Variants in FAM178B observed in about 807,000 individuals in gnomAD.
FAM178B encodes the protein protein FAM178B.
Under a neutral mutation model 91.7 loss-of-function variants are expected in FAM178B, and 82 were observed. The ratio of observed to expected loss-of-function variants is 0.89; its 90% CI spans 0.75 to 1.07. The LOEUF is 1.07. Ranked by LOEUF, FAM178B falls within the 50% of genes least tolerant of loss-of-function variation. The pLI, the probability that FAM178B is intolerant of heterozygous loss-of-function variation, is 0.00. For synonymous variants in FAM178B, 368 were observed against 359.4 expected (o/e 1.02, Z -0.27); for missense variants, 769 against 846.7 (o/e 0.91, Z 1.14).
At chr2:96,928,825 A>G (rs1446612414) in intron 9 of FAM178B, among the ~76,000 whole-genome samples, 1 of 152,186 alleles carries the variant, frequency 6.6e-6, no homozygotes, top group Non-Finnish European at 1.5e-5. Flanking sequence ...CATGGGATAC[A>G]GCCTGAGTCC....
chr2:96,951,846 C>T (rs957856503), intron 6 of FAM178B: 12 of 184,066 alleles, frequency 6.5e-5, no homozygotes, highest in African/African-American at 1.9e-4. Context: ...CATGGTGAAA[C>T]GCTGTCTCTA....
At chr2:96,946,118 C>T (rs1024342939) in intron 8 of FAM178B, among the ~76,000 whole-genome samples, 3 of 152,104 alleles carry the variant, frequency 2.0e-5, no homozygotes, top group African/African-American at 7.2e-5. Flanking sequence ...AACTCATATA[C>T]GTGTTTGTTC....
chr2:96,941,870 A>C (rs1315414406), intron 8 of FAM178B, among the ~76,000 whole-genome samples: 1 of 152,238 alleles, frequency 6.6e-6, no homozygotes, highest in Non-Finnish European at 1.5e-5. Context: ...CACTAGGTTA[A>C]CGGACAGTCA....
intron 14 of FAM178B, among the ~76,000 whole-genome samples, chr2:96,892,507 T>A (rs1374136204): frequency 6.6e-6 from 1 of 152,004 alleles, no homozygotes; most frequent in Non-Finnish European, 1.5e-5. Flanking sequence ...CTTTCAAACC[T>A]CCTTTAGGTG....
At chr2:96,978,405 T>C (rs974040041) in intron 1 of FAM178B, among the ~76,000 whole-genome samples, 1 of 152,128 alleles carries the variant, frequency 6.6e-6, no homozygotes, top group Non-Finnish European at 1.5e-5. Flanking sequence ...ATAGTGAACA[T>C]TATACTCAAC....
At position 96,970,713 on chromosome 2, in the gene FAM178B, C is replaced by G. The variant is rs1367376690; in HGVS notation, c.626+3G>C. ...CCCATGACAGGCCACGCCCTGTGCT[C>G]ACCTCTTCTCCTGCAGTAAGTAGTC... On this transcript the variant is annotated splice_donor_region_variant and intron_variant, in intron 4 of 16. Coordinates refer to ENST00000490605, the MANE Select transcript of FAM178B (RefSeq NM_001122646.3). The G allele has an allele frequency of 1.4e-5, 22 of 1,550,858 alleles. No individual in the cohort carries two copies. The highest frequency in any genetic ancestry group is 1.9e-5 in the Non-Finnish European group (22 of 1,146,308).
At chr2:96,908,915 G>A (rs2081103182) in intron 12 of FAM178B, among the ~76,000 whole-genome samples, 1 of 152,104 alleles carries the variant, frequency 6.6e-6, no homozygotes, top group African/African-American at 2.4e-5. Flanking sequence ...GGAGGCTGAG[G>A]TGGGAGGATC....
intron 1 of FAM178B, among the ~76,000 whole-genome samples, chr2:96,983,691 T>C (rs1474131509): frequency 6.6e-6 from 1 of 152,162 alleles, no homozygotes; most frequent in African/African-American, 2.4e-5. Context: ...AACAAAGCGC[T>C]GGGATTACAG....
chr2:96,979,188 G>T (rs1426016879), intron 1 of FAM178B, among the ~76,000 whole-genome samples: 1 of 150,566 alleles, frequency 6.6e-6, no homozygotes, highest in Admixed American at 6.6e-5. Flanking sequence ...CGTTGGCCAG[G>T]ATGGTCTCCA....
At chr2:96,895,109 GC>G (rs2080795498) in intron 13 of FAM178B, 2 of 1,289,302 alleles carry the variant, frequency 1.6e-6, no homozygotes, top group African/African-American at 3.0e-5. Flanking sequence ...TGTGTCTTCA[GC>G]CCCTGCCTTC....
intron 12 of FAM178B, among the ~76,000 whole-genome samples, chr2:96,903,742 C>A (rs1015588973): frequency 6.6e-6 from 1 of 152,330 alleles, no homozygotes; most frequent in South Asian, 2.1e-4. Flanking sequence ...GCCCCTGGAC[C>A]TCTCACCCCA....
intron 14 of FAM178B, among the ~76,000 whole-genome samples, chr2:96,884,972 A>G (rs1043131723): frequency 2.0e-5 from 3 of 152,238 alleles, no homozygotes; most frequent in African/African-American, 7.2e-5. Flanking sequence ...TTCCTAACCT[A>G]GGGTCCCAGA....
intron 1 of FAM178B, among the ~76,000 whole-genome samples, chr2:96,980,223 G>A (rs554087361): frequency 2.0e-5 from 3 of 151,876 alleles, no homozygotes; most frequent in African/African-American, 7.2e-5. Flanking sequence ...TTACAGGCAT[G>A]CACCACCACA....
intron 14 of FAM178B, among the ~76,000 whole-genome samples, chr2:96,891,461 G>A (rs1388251580): frequency 6.6e-6 from 1 of 152,240 alleles, no homozygotes; most frequent in Non-Finnish European, 1.5e-5. Flanking sequence ...AACAGCGAAT[G>A]CCAGAACAGA....
intron 8 of FAM178B, among the ~76,000 whole-genome samples, chr2:96,936,479 C>T (rs868340574): frequency 2.0e-5 from 3 of 150,266 alleles, no homozygotes; most frequent in Admixed American, 1.3e-4. Flanking sequence ...GGATTACAGG[C>T]GTGAGCCACC....
At chr2:96,945,555 C>T (rs868113915) in intron 8 of FAM178B, among the ~76,000 whole-genome samples, 8 of 151,930 alleles carry the variant, frequency 5.3e-5, no homozygotes, top group South Asian at 2.1e-4. Flanking sequence ...CACACACGTG[C>T]GCGCGCACAC....
In FAM178B at chr2:96,971,996, C is replaced by T; in HGVS notation, c.469G>A (p.Glu157Lys). 1 of 1,560,320 alleles carries T rather than the reference C, an allele frequency of 6.4e-7. No homozygotes were observed. Among genetic ancestry groups the T allele is most frequent in the Non-Finnish European group, 8.7e-7 (1 of 1,152,462 alleles). Reference sequence around the variant, plus strand: ...CTCTTCGGGTCCAAGTCCAGGTGTTCCTGCTCCAACTCCTCGGGCAGCTCA... The same window carrying T: ...CTCTTCGGGTCCAAGTCCAGGTGTTTCTGCTCCAACTCCTCGGGCAGCTCA... ...AGELPEELEQ[E>K]HLDLDPKRGL... The change falls in exon 3 of 17, where the codon GAA becomes AAA. Residue 157 changes from glutamate to lysine, a missense_variant. By Grantham distance (56) the Glu-to-Lys change is moderately conservative (BLOSUM62 1). Coordinates refer to ENST00000490605, the MANE Select transcript of FAM178B (RefSeq NM_001122646.3).
At chr2:96,894,942 G>A (rs1230911537) in intron 13 of FAM178B, 3 of 557,940 alleles carry the variant, frequency 5.4e-6, no homozygotes, top group African/African-American at 2.2e-5. Flanking sequence ...CTGCACTGCC[G>A]CTCTGCATCT....
At chr2:96,948,842 C>T (rs1381440681) in intron 7 of FAM178B, among the ~76,000 whole-genome samples, 2 of 152,112 alleles carry the variant, frequency 1.3e-5, no homozygotes, top group East Asian at 1.9e-4. Context: ...CTGGAGACCT[C>T]GCCTCAACTG....
Sources: gnomAD v4.1 joint callset for allele counts (sites outside exome capture counted in the v4.1 genomes callset) on GRCh38, gnomAD v4.1.1 for gene constraint, MANE v1.5 for transcripts, NCBI Gene and HGNC (gene_info 2026-07-23, HGNC 2026-07-21) for gene names.